PIK3CB: variants seen among roughly 807,000 people sequenced by gnomAD.
The protein encoded by PIK3CB is phosphatidylinositol 4,5-bisphosphate 3-kinase catalytic subunit beta isoform.
PIK3CB carries 39 observed loss-of-function variants against 136.8 expected under a neutral mutation model. The ratio of observed to expected loss-of-function variants is 0.29; its 90% CI spans 0.22 to 0.37. The LOEUF is 0.37. Among genes scored for constraint, PIK3CB ranks in the 10% least tolerant of loss-of-function variants. The pLI is 1.00. For synonymous variants in PIK3CB, 428 were observed against 436.6 expected, an observed-to-expected ratio of 0.98 and a Z score of 0.25; for missense variants, 868 against 1,275.4, an observed-to-expected ratio of 0.68 and a Z score of 4.87.
chr3:138,823,202 G>A (rs1010777239), intron 1 of PIK3CB, among the ~76,000 whole-genome samples: 15 of 151,690 alleles, frequency 9.9e-5, no homozygotes, highest in Admixed American at 4.6e-4. Flanking sequence ...TGGGGGGATC[G>A]CTTGAGCCCA....
intron 8 of PIK3CB, among the ~76,000 whole-genome samples, chr3:138,726,750 C>T (rs1186958766): frequency 6.6e-6 from 1 of 151,922 alleles, no homozygotes; most frequent in Non-Finnish European, 1.5e-5. Context: ...GAGGAAAACA[C>T]TACAAGGCTA....
At chr3:138,691,948 C>A (rs150679855) in intron 14 of PIK3CB, among the ~76,000 whole-genome samples, 2,136 of 152,076 alleles carry the variant, frequency 0.014, 45 homozygotes, top group Middle Eastern at 0.048. Flanking sequence ...TTAAGTTGTC[C>A]CAGATAACCA....
chr3:138,681,052 G>T (rs61508609), intron 19 of PIK3CB, among the ~76,000 whole-genome samples: 84,286 of 138,620 alleles, frequency 0.61, 26,090 homozygotes, highest in East Asian at 0.98. Flanking sequence ...TTTTTTTTTT[G>T]TTTTTTTTTT....
chr3:138,788,230 C>G (rs947325652), intron 2 of PIK3CB, among the ~76,000 whole-genome samples: 1 of 151,996 alleles, frequency 6.6e-6, no homozygotes, highest in Non-Finnish European at 1.5e-5. Context: ...GATGAAGACA[C>G]CTTTCTTTAC....
chr3:138,690,976 C>G, intron 15 of PIK3CB, 24 bp downstream of exon 15: 1 of 1,584,022 alleles, frequency 6.3e-7, no homozygotes, highest in South Asian at 1.2e-5. Context: ...CTGGTGGGCT[C>G]AAAGTAAAAT....
chr3:138,806,591 C>T (rs1255077546), intron 1 of PIK3CB, among the ~76,000 whole-genome samples: 1 of 152,164 alleles, frequency 6.6e-6, no homozygotes. Flanking sequence ...AATGCTAGAA[C>T]TGAAGAGAGG....
At chr3:138,738,068 T>A (rs1411444784) in intron 5 of PIK3CB, among the ~76,000 whole-genome samples, 182 bp from the exon 6 acceptor site, 2 of 152,142 alleles carry the variant, frequency 1.3e-5, no homozygotes, top group Non-Finnish European at 2.9e-5. Context: ...AGATAAAGAT[T>A]TCTGATAATT....
At position 138,741,792 on chromosome 3, in the gene PIK3CB, C is replaced by T. The variant is rs557935780; in HGVS notation, c.621+766G>A. On this transcript the variant is annotated intron_variant, in intron 5 of 23. Coordinates refer to ENST00000674063, the MANE Select transcript of PIK3CB (RefSeq NM_006219.3). ...GCAGGGAGCCAAGATTGCGCCATCG[C>T]ACTCCAGCCTGGGCAACAGAGCAAG... Among the ~76,000 whole-genome samples, 19 of 151,250 alleles carry T rather than the reference C, an allele frequency of 1.3e-4. 1 individual carries two copies. Among genetic ancestry groups the T allele is most frequent in the Admixed American group, 1.1e-3 (17 of 15,152 alleles).
chr3:138,777,289 C>T (rs968730797), intron 2 of PIK3CB, among the ~76,000 whole-genome samples: 1 of 152,212 alleles, frequency 6.6e-6, no homozygotes, highest in Admixed American at 6.5e-5. Flanking sequence ...TAATAGAATA[C>T]AGCAGGGGTA....
chr3:138,731,475 A>T (rs938442728), intron 8 of PIK3CB, among the ~76,000 whole-genome samples: 2 of 149,708 alleles, frequency 1.3e-5, no homozygotes, highest in African/African-American at 4.9e-5. Context: ...CTGGTCTTGA[A>T]CTCCTGGACT....
In PIK3CB at chr3:138,731,338, G is replaced by C. The variant is rs184327707; in HGVS notation, c.1050+2023C>G. On this transcript the variant is annotated intron_variant, in intron 8 of 23. Transcript: ENST00000674063. ...ACAATCTCAGCTCAGGGGCAGCCTCGACCTCCCAGGCTCCAGCGATCCTCC... is the reference window on the plus strand; with the variant it reads ...ACAATCTCAGCTCAGGGGCAGCCTCCACCTCCCAGGCTCCAGCGATCCTCC... 4.4e-4 allele frequency among the ~76,000 whole-genome samples: 67 copies of C among 151,918 alleles called. No individual in the cohort carries two copies. The East Asian group carries it at 0.01, about 23-fold the overall frequency.
At chr3:138,807,067 T>C (rs951141760) in intron 1 of PIK3CB, among the ~76,000 whole-genome samples, 2 of 152,206 alleles carry the variant, frequency 1.3e-5, no homozygotes, top group Admixed American at 1.3e-4. Context: ...TTTGCCTTCA[T>C]TGTTTCTGGT....
chr3:138,727,177 T>C (rs1475550219), intron 8 of PIK3CB, among the ~76,000 whole-genome samples: 1 of 152,142 alleles, frequency 6.6e-6, no homozygotes, highest in African/African-American at 2.4e-5. Context: ...GGCAGAGTGG[T>C]GAGTCAACAC....
intron 1 of PIK3CB, among the ~76,000 whole-genome samples, chr3:138,817,530 A>G (rs1437856347): frequency 6.6e-6 from 1 of 152,146 alleles, no homozygotes; most frequent in Admixed American, 6.6e-5. Flanking sequence ...AAAAAAGTAG[A>G]ATAATTAAAA....
At chr3:138,734,036 T>C (rs1009640934) in intron 7 of PIK3CB, among the ~76,000 whole-genome samples, 2 of 152,168 alleles carry the variant, frequency 1.3e-5, no homozygotes, top group African/African-American at 4.8e-5. Context: ...GAGCTGACCA[T>C]TTATATTAAT....
chr3:138,692,127 T>G (rs764040392), intron 14 of PIK3CB, among the ~76,000 whole-genome samples: 1 of 152,202 alleles, frequency 6.6e-6, no homozygotes, highest in Non-Finnish European at 1.5e-5. Flanking sequence ...CAAACCATTC[T>G]ACCTGTAAAC....
intron 1 of PIK3CB, among the ~76,000 whole-genome samples, chr3:138,819,773 G>C (rs969618223): frequency 8.5e-5 from 13 of 152,130 alleles, no homozygotes; most frequent in African/African-American, 2.9e-4. Context: ...CCAGGAGTTT[G>C]AGACCAACCT....
chr3:138,700,912 T>A (rs1231453900), intron 12 of PIK3CB, among the ~76,000 whole-genome samples: 1 of 152,178 alleles, frequency 6.6e-6, no homozygotes, highest in African/African-American at 2.4e-5. Context: ...TGAAATAGAA[T>A]GTTTACTTAG....
chr3:138,723,273 T>C (rs2044766157), intron 8 of PIK3CB, among the ~76,000 whole-genome samples: 1 of 152,150 alleles, frequency 6.6e-6, no homozygotes, highest in African/African-American at 2.4e-5. Flanking sequence ...ATTTAAAACC[T>C]GGCACAGTGG....
Sources: gnomAD v4.1 joint callset for allele counts (sites outside exome capture counted in the v4.1 genomes callset) on GRCh38, gnomAD v4.1.1 for gene constraint, MANE v1.5 for transcripts, NCBI Gene and HGNC (gene_info 2026-07-23, HGNC 2026-07-21) for gene names.